LAT2: variants seen among roughly 807,000 people sequenced by gnomAD.
The protein encoded by LAT2 is linker for activation of T-cells family member 2.
A neutral mutation model predicts 43.4 loss-of-function variants in LAT2; 23 were observed. The observed-to-expected ratio is 0.53, with a 90% confidence interval of 0.38 to 0.75. The LOEUF (loss-of-function observed/expected upper bound fraction) is 0.75. Ranked by LOEUF, LAT2 falls within the 30% of genes least tolerant of loss-of-function variation. The pLI, the probability that LAT2 is intolerant of heterozygous loss-of-function variation, is 0.00. For synonymous variants in LAT2, 128 were observed against 123.2 expected (o/e 1.04, Z -0.26); for missense variants, 284 against 310.2 (o/e 0.92, Z 0.64).
At chr7:74,216,548 T>G (rs782780416) in intron 3 of LAT2, among the ~76,000 whole-genome samples, 4 of 152,102 alleles carry the variant, frequency 2.6e-5, no homozygotes, top group African/African-American at 4.8e-5. Context: ...ATTTTTGTGT[T>G]TTTAGTAGAG....
intron 1 of LAT2, among the ~76,000 whole-genome samples, chr7:74,212,713 G>C (rs1047585340): frequency 6.6e-6 from 1 of 152,332 alleles, no homozygotes; most frequent in Non-Finnish European, 1.5e-5. Flanking sequence ...TGGAGGGGTT[G>C]GGGGTACACC....
intron 13 of LAT2, among the ~76,000 whole-genome samples, chr7:74,228,540 C>T (rs1387872692): frequency 6.7e-6 from 1 of 149,298 alleles, no homozygotes; most frequent in Non-Finnish European, 1.5e-5. Flanking sequence ...AATCCCAGCA[C>T]TTTGGGAAGC....
chr7:74,228,437 C>T (rs1802574716), intron 13 of LAT2, among the ~76,000 whole-genome samples: 2 of 148,346 alleles, frequency 1.3e-5, no homozygotes, highest in South Asian at 2.1e-4. Flanking sequence ...GATCACGCCA[C>T]TGCACTCCAG....
At chr7:74,215,407 G>C (rs185486629) in intron 2 of LAT2, 5 of 160,318 alleles carry the variant, frequency 3.1e-5, no homozygotes, top group African/African-American at 9.6e-5. Flanking sequence ...GGAGCCCTGA[G>C]TTGCTCTGGG....
At position 74,220,010 on chromosome 7, in the gene LAT2, T is replaced by C; in HGVS notation, c.227+2T>C. The C allele has an allele frequency of 6.2e-7, 1 of 1,613,550 alleles. No individual in the cohort carries two copies. The highest frequency in any genetic ancestry group is 2.2e-5 in the East Asian group (1 of 44,858). On this transcript the variant is annotated splice_donor_variant, in intron 6 of 13. Transcript: ENST00000460943. LOFTEE classifies it high-confidence loss of function. The surrounding 1 kb of genome is among the most constrained non-coding windows in gnomAD (Gnocchi z 4.5). ...CCTGGCGGACATGGCACCCACAAGG[T>C]AGGTCACAGTCCCCCAGGAAGTGAC... is the stretch of plus-strand genomic sequence containing the variant.
At chr7:74,224,988 G>A in intron 13 of LAT2, 1 of 385,332 alleles carries the variant, frequency 2.6e-6, no homozygotes, top group South Asian at 3.0e-5. Context: ...CAAAGAAGTG[G>A]GCACCGGGTG....
In LAT2 at chr7:74,220,757, C is replaced by A; in HGVS notation, c.332+23C>A. Reference sequence around the variant, plus strand: ...CATGTGAGTGACCTTGATCCTGTCCCCCCTGCCTCGCCTCTCCCCCTGCCC... The same window carrying A: ...CATGTGAGTGACCTTGATCCTGTCCACCCTGCCTCGCCTCTCCCCCTGCCC... On this transcript the variant is annotated intron_variant, in intron 9 of 13. Coordinates refer to ENST00000460943, the MANE Select transcript of LAT2 (RefSeq NM_032464.3). The surrounding 1 kb of genome is among the most constrained non-coding windows in gnomAD (Gnocchi z 4.5). 1 of 1,524,024 alleles carries A rather than the reference C, an allele frequency of 6.6e-7. No homozygotes were observed. 94.4% of individuals were successfully genotyped at this position (1,524,024 alleles called of 1,614,324 possible).
intron 1 of LAT2, among the ~76,000 whole-genome samples, chr7:74,212,242 C>T (rs1051371639): frequency 3.3e-5 from 5 of 151,818 alleles, no homozygotes; most frequent in African/African-American, 1.2e-4. Context: ...CACGCCCAGC[C>T]TGATCCCATT....
rs782724628 is a variant in LAT2, at chr7:74,224,101, C to T, written c.532C>T (p.Leu178Phe). 2 of 1,614,072 alleles carry T rather than the reference C, an allele frequency of 1.2e-6. No homozygotes were observed. Among genetic ancestry groups the T allele is most frequent in the Non-Finnish European group, 1.7e-6 (2 of 1,180,032 alleles). Residue 178 changes from leucine (L) to phenylalanine (F), a missense_variant, in exon 12 of 14, where the codon CTC becomes TTC. Coordinates refer to ENST00000460943, the MANE Select transcript of LAT2 (RefSeq NM_032464.3). ...LALKTGPTSG[L>F]CPSASPEEDE... ...CCTGAAGACTGGCCCCACTTCTGGT[C>T]TCTGTCCCTCTGCCTCCCCGGAAGA... is the stretch of plus-strand genomic sequence containing the variant.
chr7:74,223,858 C>A (rs1802383721), intron 11 of LAT2, 75 bp downstream of exon 11: 1 of 1,529,340 alleles, frequency 6.5e-7, no homozygotes, highest in South Asian at 1.1e-5. Context: ...CTGCACTCCC[C>A]ACTGCTCAAA....
At chr7:74,225,747 C>T (rs1802461686) in intron 13 of LAT2, 1 of 152,308 alleles carries the variant, frequency 6.6e-6, no homozygotes, top group South Asian at 2.1e-4. Flanking sequence ...GCCCAAAGTC[C>T]CCATCTGGGA....
chr7:74,212,206 G>C (rs1371712241), intron 1 of LAT2, among the ~76,000 whole-genome samples: 2 of 151,814 alleles, frequency 1.3e-5, no homozygotes, highest in Non-Finnish European at 2.9e-5. Context: ...CGGCCTCCCA[G>C]TGTTGAGATT....
rs368720732 is a variant in LAT2 at position 74,224,670 on chromosome 7, G to A, written c.660G>A (p.Pro220=). The change falls in exon 13 of 14, where the codon CCG becomes CCA. Residue 220 remains proline (P), a synonymous_variant. Transcript: ENST00000460943. ...TCCAGAGAGAAGCATCCCCTGGCCC[G>A]GTGGGAAGCCCAGACGAGGAGGACG... is the stretch of plus-strand genomic sequence containing the variant. The part of the protein sequence containing the change: ...GQLQREASPG[P]VGSPDEEDGE... The A allele has an allele frequency of 1.6e-5, 26 of 1,607,412 alleles. No homozygotes were observed. The highest frequency in any genetic ancestry group is 1.5e-4 in the African/African-American group (11 of 74,842).
intron 13 of LAT2, 34 bp downstream of exon 13, chr7:74,224,794 A>C: frequency 7.0e-7 from 1 of 1,425,984 alleles, no homozygotes; most frequent in Non-Finnish European, 9.4e-7. Flanking sequence ...CCGTGGGCCA[A>C]GGATTGGAGG....
intron 10 of LAT2, among the ~76,000 whole-genome samples, chr7:74,222,243 A>C (rs868953455): frequency 0.021 from 3,208 of 150,342 alleles, 126 homozygotes; most frequent in African/African-American, 0.072. Context: ...AAAAAAAAAA[A>C]AAAAAAAATT....
At chr7:74,223,095 T>C (rs1191481028) in intron 10 of LAT2, among the ~76,000 whole-genome samples, 1 of 152,158 alleles carries the variant, frequency 6.6e-6, no homozygotes, top group Non-Finnish European at 1.5e-5. Flanking sequence ...CTCCTGATTA[T>C]AGAGATGAAC....
chr7:74,223,968 G>A (rs2116182246), intron 11 of LAT2, 50 bp from the exon 12 acceptor site: 4 of 1,574,936 alleles, frequency 2.5e-6, no homozygotes, highest in African/African-American at 1.4e-5. Flanking sequence ...ATTGGCTCCT[G>A]GTGCCTCTGT....
chr7:74,228,086 G>C (rs34353930), intron 13 of LAT2, among the ~76,000 whole-genome samples: 9 of 139,238 alleles, frequency 6.5e-5, no homozygotes, highest in Non-Finnish European at 1.2e-4. Flanking sequence ...TGAGGCACGA[G>C]AATCACTTGA....
At position 74,216,059 on chromosome 7, in the gene LAT2, C is replaced by T. The variant is rs1802032222; in HGVS notation, c.84C>T (p.Cys28=). The change falls in exon 3 of 14, where the codon TGC becomes TGT. Residue 28 remains cysteine, a synonymous_variant. Transcript: ENST00000460943. Reference sequence around the variant, plus strand: ...TGGCAGCCAGTCTGTGTGTGCGCTGCTCACGCCCAGGTAAGCGGGGGTCTC... The same window carrying T: ...TGGCAGCCAGTCTGTGTGTGCGCTGTTCACGCCCAGGTAAGCGGGGGTCTC... ...LGVAASLCVR[C]SRPGAKRSEK... 1 of 1,611,038 alleles carries T rather than the reference C, an allele frequency of 6.2e-7. No individual in the cohort carries two copies. The highest frequency in any genetic ancestry group is 1.3e-5 in the African/African-American group (1 of 74,770).
Sources: allele counts gnomAD v4.1 joint callset (sites outside exome capture counted in the v4.1 genomes callset), GRCh38; gene constraint gnomAD v4.1.1; non-coding constraint Gnocchi (gnomAD v3.1); transcripts MANE v1.5; gene names NCBI Gene and HGNC (gene_info 2026-07-23, HGNC 2026-07-21).